The following ZDHHC6 variants were observed in gnomAD, a reference collection of about 807,000 sequenced individuals.
ZDHHC6 encodes palmitoyltransferase ZDHHC6.
In ZDHHC6, 32 loss-of-function variants were observed where a neutral mutation model predicts 57.8. The ratio of observed to expected loss-of-function variants is 0.55; its 90% CI spans 0.42 to 0.74. ZDHHC6 has a LOEUF of 0.74. ZDHHC6 is among the 30% of genes least tolerant of loss of function. The pLI is 0.00. For synonymous variants in ZDHHC6, 128 were observed against 158.0 expected, an observed-to-expected ratio of 0.81 and a Z score of 1.42; for missense variants, 433 against 500.7, an observed-to-expected ratio of 0.86 and a Z score of 1.29.
Position 112,442,301 on chromosome 10 carries a change from C to T in ZDHHC6, c.410G>A (p.Gly137Asp). 6.2e-7 allele frequency: 1 copy of T among 1,613,910 alleles called. No individual in the cohort carries two copies. Among genetic ancestry groups the T allele is most frequent in the South Asian group, 1.1e-5 (1 of 91,052 alleles). ...HHCPWINNCC[G>D]YQNHASFTLF... ...TGTGAACGAAGCATGATTTTGGTAA[C>T]CACAACAGTTGTTGATCCAAGGACA... is the stretch of plus-strand genomic sequence containing the variant. Residue 137 changes from glycine (G) to aspartate (D), a missense_variant, in exon 4 of 11, where the codon GGT (glycine) becomes GAT (aspartate). Transcript: ENST00000369405.
At chr10:112,446,365 AAAG>A (rs1183307659) in intron 1 of ZDHHC6, among the ~76,000 whole-genome samples, 3 of 152,146 alleles carry the variant, frequency 2.0e-5, no homozygotes, top group South Asian at 2.1e-4. Context: ...TCGAGGGAAG[AAAG>A]AAGAGGAAGT....
rs1360823545 is a variant in ZDHHC6 at position 112,430,477 on chromosome 10, C to A, written c.*327G>T. The A allele has an allele frequency of 5.9e-6, 1 of 169,940 alleles. No homozygotes were observed. Among genetic ancestry groups the A allele is most frequent in the Non-Finnish European group, 1.2e-5 (1 of 80,114 alleles). 10.5% of individuals were successfully genotyped at this position (169,940 alleles called of 1,614,324 possible). A position where few individuals can be genotyped will look rare whatever the true frequency, so the allele number is the denominator to read the frequency against. On this transcript the variant is annotated 3_prime_UTR_variant, in exon 11 of 11. Coordinates refer to ENST00000369405, the MANE Select transcript of ZDHHC6 (RefSeq NM_022494.3). ...AAGTACCACATGCAGATGCTCCTGGCAAGGGGGGAACTGTATCTGCAGGTG... is the reference window on the plus strand; with the variant it reads ...AAGTACCACATGCAGATGCTCCTGGAAAGGGGGGAACTGTATCTGCAGGTG...
In ZDHHC6 at chr10:112,430,612, G is replaced by A; in HGVS notation, c.*192C>T. 1 of 448,426 alleles carries A rather than the reference G, an allele frequency of 2.2e-6. No individual in the cohort carries two copies. The highest frequency in any genetic ancestry group is 3.9e-6 in the Non-Finnish European group (1 of 254,184). The allele number at this position is 448,426 out of a possible 1,614,324, so 27.8% of individuals were successfully genotyped here. ...AGGAAGAGGTGGTAAAGAGGGGCAG[G>A]AATTCAAAGGCATATGCAGAATGGC... On this transcript the variant is annotated 3_prime_UTR_variant, in exon 11 of 11. Coordinates refer to ENST00000369405, the MANE Select transcript of ZDHHC6 (RefSeq NM_022494.3).
downstream of ZDHHC6, chr10:112,426,889 C>T (rs1375444721): frequency 1.3e-6 from 2 of 1,533,030 alleles, no homozygotes; most frequent in East Asian, 2.3e-5. Flanking sequence ...TTATACTGGC[C>T]TCTTGTCAGA....
intron 6 of ZDHHC6, among the ~76,000 whole-genome samples, chr10:112,436,106 T>C (rs961861359): frequency 5.3e-5 from 8 of 152,298 alleles, no homozygotes; most frequent in South Asian, 2.1e-4. Context: ...GCATAAGATG[T>C]ACAAACTATG....
upstream of ZDHHC6, chr10:112,447,330 C>T (rs758269063): frequency 1.0e-5 from 16 of 1,595,790 alleles, no homozygotes; most frequent in East Asian, 2.7e-4. Context: ...GAGGCCCTTT[C>T]CCTGACCTAG....
At chr10:112,445,680 T>C in intron 1 of ZDHHC6, 30 bp from the exon 2 acceptor site, 1 of 539,382 alleles carries the variant, frequency 1.9e-6, no homozygotes, top group Non-Finnish European at 3.2e-6. Flanking sequence ...AAAGTTCAGT[T>C]AAAACAAAAC....
chr10:112,426,126 AAC>A (rs1844690700), downstream of ZDHHC6: 2 of 657,696 alleles, frequency 3.0e-6, no homozygotes, highest in Non-Finnish European at 5.3e-6. Flanking sequence ...GTGAGAAAAG[AAC>A]ACTAGTACTG....
At chr10:112,433,385 T>A (rs1845216033) in intron 7 of ZDHHC6, 104 bp from the exon 8 acceptor site, 2 of 892,328 alleles carry the variant, frequency 2.2e-6, no homozygotes, top group Non-Finnish European at 3.2e-6. Flanking sequence ...AACCCCAATT[T>A]TCCAGCATTT....
In ZDHHC6 at chr10:112,430,424, A is replaced by G. The variant is rs1189379169; in HGVS notation, c.*380T>C. On this transcript the variant is annotated 3_prime_UTR_variant, in exon 11 of 11. Transcript: ENST00000369405. Reference sequence around the variant, plus strand: ...AGTTCTATAGTATCTAGAATATCATATAAGAAATATCAACTGAGGGAAAAG... The same window carrying G: ...AGTTCTATAGTATCTAGAATATCATGTAAGAAATATCAACTGAGGGAAAAG... 1 of 156,158 alleles carries G rather than the reference A, an allele frequency of 6.4e-6. No homozygotes were observed. The highest frequency in any genetic ancestry group is 1.9e-4 in the East Asian group (1 of 5,358). 9.7% of individuals were successfully genotyped at this position (156,158 alleles called of 1,614,324 possible).
upstream of ZDHHC6, chr10:112,447,494 G>C: frequency 6.2e-7 from 1 of 1,610,274 alleles, no homozygotes; most frequent in Non-Finnish European, 8.5e-7. Flanking sequence ...GCTGGACGAG[G>C]GTGCTGGGGA....
At chr10:112,444,915 C>A (rs928128767) in intron 2 of ZDHHC6, among the ~76,000 whole-genome samples, 5 of 152,056 alleles carry the variant, frequency 3.3e-5, no homozygotes, top group Non-Finnish European at 5.9e-5. Context: ...CCCACCTCCA[C>A]CCCACCTCCA....
At chr10:112,440,434 C>A in intron 5 of ZDHHC6, 100 bp downstream of exon 5, 3 of 1,265,140 alleles carry the variant, frequency 2.4e-6, no homozygotes, top group Non-Finnish European at 3.2e-6. Context: ...AAAATAATTT[C>A]CATTTCATAC....
intron 6 of ZDHHC6, among the ~76,000 whole-genome samples, chr10:112,434,730 A>G (rs772355827): frequency 1.1e-4 from 17 of 152,250 alleles, no homozygotes; most frequent in Non-Finnish European, 2.1e-4. Flanking sequence ...GCTTATTAAA[A>G]GTTAGCTAAC....
intron 5 of ZDHHC6, among the ~76,000 whole-genome samples, chr10:112,438,653 T>A (rs1845779270): frequency 6.6e-6 from 1 of 152,060 alleles, no homozygotes; most frequent in South Asian, 2.1e-4. Context: ...AATCAAACTT[T>A]ATGTCATAAG....
intron 6 of ZDHHC6, 66 bp from the exon 7 acceptor site, chr10:112,434,530 TG>T (rs1359079992): frequency 7.0e-7 from 1 of 1,432,298 alleles, no homozygotes; most frequent in African/African-American, 1.4e-5. Flanking sequence ...AATATGTTAT[TG>T]AGAACACTTA....
downstream of ZDHHC6, chr10:112,426,505 T>C: frequency 3.1e-6 from 2 of 655,734 alleles, no homozygotes; most frequent in Non-Finnish European, 2.6e-6. Flanking sequence ...GGATGGAGAG[T>C]TTAAAAAATA....
intron 5 of ZDHHC6, 62 bp downstream of exon 5, chr10:112,440,472 T>C: frequency 6.6e-7 from 1 of 1,516,218 alleles, no homozygotes; most frequent in Non-Finnish European, 8.9e-7. Context: ...GCTTTGTCTC[T>C]TTCTTGTGCA....
chr10:112,447,002 CCTTGTAG>C (rs1473602592), upstream of ZDHHC6: 47 of 283,804 alleles, frequency 1.7e-4, no homozygotes, highest in Non-Finnish European at 2.9e-4. Flanking sequence ...AGCTGCTGTG[CCTTGTAG>C]CGTGTGGATC....
Sources: gnomAD v4.1 joint callset for allele counts (sites outside exome capture counted in the v4.1 genomes callset) on GRCh38, gnomAD v4.1.1 for gene constraint, MANE v1.5 for transcripts, NCBI Gene and HGNC (gene_info 2026-07-23, HGNC 2026-07-21) for gene names.